TUBGCP3: variants seen among roughly 807,000 people sequenced by gnomAD.
The protein encoded by TUBGCP3 is tubulin gamma complex component 3.
Under a neutral mutation model 123.1 loss-of-function variants are expected in TUBGCP3, and 50 were observed. That is an observed-to-expected ratio of 0.41 (90% CI 0.32 to 0.51). The LOEUF (loss-of-function observed/expected upper bound fraction) is 0.51, where lower values mean the gene tolerates loss of function less well. Ranked by LOEUF, TUBGCP3 falls within the 20% of genes least tolerant of loss-of-function variation. The pLI, the probability that TUBGCP3 is intolerant of heterozygous loss-of-function variation, is 0.36. For missense variants in TUBGCP3, 882 were observed against 1,127.0 expected, an observed-to-expected ratio of 0.78 and a Z score of 3.11; for synonymous variants, 405 against 413.9, an observed-to-expected ratio of 0.98 and a Z score of 0.26.
At chr13:112,561,905 AAAG>A (rs1880536432) in intron 3 of TUBGCP3, among the ~76,000 whole-genome samples, 1 of 152,246 alleles carries the variant, frequency 6.6e-6, no homozygotes, top group Non-Finnish European at 1.5e-5. Flanking sequence ...CAAGTGACAT[AAAG>A]GAGGAGGCAG....
intron 3 of TUBGCP3, among the ~76,000 whole-genome samples, chr13:112,563,744 G>T (rs1283440014): frequency 6.6e-6 from 1 of 151,390 alleles, no homozygotes; most frequent in African/African-American, 2.4e-5. Context: ...GCGTGTTGGC[G>T]GGCGCCTGTA....
At chr13:112,554,785 G>A (rs368160252) in intron 7 of TUBGCP3, 102 bp downstream of exon 7, 41 of 783,314 alleles carry the variant, frequency 5.2e-5, no homozygotes, top group Non-Finnish European at 5.9e-5. Flanking sequence ...CAACCGATTC[G>A]CAAAACCCCA....
the TUBGCP3 span, chr13:112,603,354 T>C: frequency 6.6e-6 from 1 of 152,234 alleles, no homozygotes; most frequent in African/African-American, 2.4e-5. Flanking sequence ...CTAATGATTT[T>C]ATTTAACTAC....
upstream of TUBGCP3, among the ~76,000 whole-genome samples, chr13:112,591,116 C>A (rs1882874542): frequency 6.6e-6 from 1 of 152,218 alleles, no homozygotes; most frequent in African/African-American, 2.4e-5. Context: ...TTGTAGGAAA[C>A]AGCATCCTTT....
intron 11 of TUBGCP3, among the ~76,000 whole-genome samples, chr13:112,542,624 T>C (rs1272654509): frequency 6.6e-6 from 1 of 152,182 alleles, no homozygotes; most frequent in African/African-American, 2.4e-5. Flanking sequence ...AGATGGCATG[T>C]ATATGTATTT....
intron 8 of TUBGCP3, among the ~76,000 whole-genome samples, chr13:112,549,810 A>G (rs950940851): frequency 2.6e-5 from 4 of 151,838 alleles, no homozygotes; most frequent in African/African-American, 9.7e-5. Flanking sequence ...TAACATGGTG[A>G]GACCCCTGTC....
chr13:112,601,004 A>G, the TUBGCP3 span, among the ~76,000 whole-genome samples: 2 of 152,104 alleles, frequency 1.3e-5, no homozygotes, highest in African/African-American at 2.4e-5. Context: ...CCTGGCCAAC[A>G]TGGCGAAACC....
chr13:112,535,557 C>T (rs574243697), intron 11 of TUBGCP3, among the ~76,000 whole-genome samples: 1 of 152,220 alleles, frequency 6.6e-6, no homozygotes, highest in Non-Finnish European at 1.5e-5. Flanking sequence ...TAATCTTTTC[C>T]TGTGCTTATT....
At chr13:112,522,922 A>G (rs1008363609) in intron 13 of TUBGCP3, among the ~76,000 whole-genome samples, 37 of 152,362 alleles carry the variant, frequency 2.4e-4, no homozygotes, top group African/African-American at 7.0e-4. Context: ...ACAACTCGCA[A>G]AAGTTGAGTA....
At chr13:112,493,978 T>C (rs1880345547) in intron 20 of TUBGCP3, among the ~76,000 whole-genome samples, 1 of 151,362 alleles carries the variant, frequency 6.6e-6, no homozygotes, top group Non-Finnish European at 1.5e-5. Context: ...CATGGCCTGG[T>C]GTGCCTGAGA....
chr13:112,514,661 T>G (rs1247908800), intron 17 of TUBGCP3, among the ~76,000 whole-genome samples: 1 of 152,230 alleles, frequency 6.6e-6, no homozygotes, highest in Non-Finnish European at 1.5e-5. Context: ...CTGGGCTTAC[T>G]GAGATATGAG....
chr13:112,496,655 C>T (rs749335050), intron 20 of TUBGCP3, among the ~76,000 whole-genome samples: 6 of 152,156 alleles, frequency 3.9e-5, no homozygotes, highest in Non-Finnish European at 1.5e-5. Context: ...CTTCCACTCC[C>T]ACACGGCCAG....
chr13:112,578,256 T>C (rs898950051), intron 1 of TUBGCP3, among the ~76,000 whole-genome samples: 1 of 152,082 alleles, frequency 6.6e-6, no homozygotes, highest in African/African-American at 2.4e-5. Context: ...GATTGTATCT[T>C]GAGTTAAAAG....
At chr13:112,559,442 A>G (rs2139232711) in intron 3 of TUBGCP3, 43 bp from the exon 4 acceptor site, 1 of 1,464,962 alleles carries the variant, frequency 6.8e-7, no homozygotes, top group East Asian at 2.4e-5. Flanking sequence ...ATTTTATACT[A>G]CTCTCCAGCC....
intron 1 of TUBGCP3, among the ~76,000 whole-genome samples, chr13:112,569,846 T>C (rs1371940803): frequency 6.6e-6 from 1 of 152,100 alleles, no homozygotes; most frequent in Admixed American, 6.5e-5. Flanking sequence ...TGTGAGAAGC[T>C]GGACTGCAGA....
Position 112,547,727 on chromosome 13 carries a change from A to C in TUBGCP3, c.1061T>G (p.Val354Gly). The change falls in exon 10 of 22, where the codon GTG becomes GGG. Residue 354 changes from valine to glycine, a missense_variant. By Grantham distance (109) the Val-to-Gly change is moderately radical. This residue lies in a region of TUBGCP3 where 713 missense variants were observed against 874.0 expected (regional missense o/e 0.82). Transcript: ENST00000261965. The part of the protein sequence containing the change: ...SQLQLEDDQG[V>G]NLGLESSLTL... ...TAAACTACTCTCAAGTCCCAAATTC[A>C]CACCCTGGTCATCCTCTAGTTGTAG... 6.6e-7 allele frequency: 1 copy of C among 1,525,440 alleles called. No individual in the cohort carries two copies. Among genetic ancestry groups the C allele is most frequent in the East Asian group, 2.3e-5 (1 of 43,130 alleles). 94.5% of individuals were successfully genotyped at this position (1,525,440 alleles called of 1,614,324 possible).
At chr13:112,488,446 G>A (rs1485818483) in intron 21 of TUBGCP3, among the ~76,000 whole-genome samples, 5 of 152,210 alleles carry the variant, frequency 3.3e-5, no homozygotes, top group South Asian at 4.1e-4. Flanking sequence ...CCAGCCTTCC[G>A]GGGTCTACAC....
chr13:112,566,922 A>G (rs1461733285), intron 2 of TUBGCP3, among the ~76,000 whole-genome samples: 1 of 152,236 alleles, frequency 6.6e-6, no homozygotes, highest in Admixed American at 6.5e-5. Flanking sequence ...AGCACTTTAT[A>G]TTTGAGGTCG....
intron 1 of TUBGCP3, among the ~76,000 whole-genome samples, chr13:112,578,997 T>C (rs1307710851): frequency 6.6e-6 from 1 of 152,194 alleles, no homozygotes; most frequent in Non-Finnish European, 1.5e-5. Context: ...ACCCATTTTT[T>C]TAGAAATTCA....
Sources: allele counts gnomAD v4.1 joint callset (sites outside exome capture counted in the v4.1 genomes callset), GRCh38; gene constraint gnomAD v4.1.1; regional missense constraint gnomAD v4.1.1; transcripts MANE v1.5; gene names NCBI Gene and HGNC (gene_info 2026-07-23, HGNC 2026-07-21).